STAU2: variants seen among roughly 807,000 people sequenced by gnomAD.
STAU2 encodes the protein staufen double-stranded RNA binding protein 2.
In STAU2, 20 loss-of-function variants were observed where a neutral mutation model predicts 65.9. That is an observed-to-expected ratio of 0.30 (90% CI 0.21 to 0.44). The LOEUF is 0.44. Among genes scored for constraint, STAU2 ranks in the 20% least tolerant of loss-of-function variants. The probability of loss-of-function intolerance (pLI) is 1.00; values close to 1 mark genes in which losing one functional copy is unlikely to be tolerated. For missense variants in STAU2, 558 were observed against 683.9 expected, an observed-to-expected ratio of 0.82 and a Z score of 2.05; for synonymous variants, 232 against 233.9, an observed-to-expected ratio of 0.99 and a Z score of 0.07.
At chr8:73,731,079 A>T (rs1806032938) in intron 3 of STAU2, among the ~76,000 whole-genome samples, 1 of 152,228 alleles carries the variant, frequency 6.6e-6, no homozygotes. Context: ...TAGGAACACG[A>T]CTATTTGAAG....
intron 13 of STAU2, among the ~76,000 whole-genome samples, chr8:73,485,267 C>T (rs1310939740): frequency 1.3e-5 from 2 of 149,660 alleles, no homozygotes; most frequent in African/African-American, 4.9e-5. Flanking sequence ...CAGCCTTGAA[C>T]TCCTGGGATC....
At chr8:73,424,016 C>T (rs1250375054) in intron 13 of STAU2, among the ~76,000 whole-genome samples, 1 of 151,986 alleles carries the variant, frequency 6.6e-6, no homozygotes, top group Non-Finnish European at 1.5e-5. Context: ...AAAATAGTTC[C>T]ACAGCCCTAC....
intron 13 of STAU2, among the ~76,000 whole-genome samples, chr8:73,484,060 T>C (rs1820786653): frequency 6.6e-6 from 1 of 152,174 alleles, no homozygotes; most frequent in Non-Finnish European, 1.5e-5. Context: ...TGTTCACTTT[T>C]AGTGTCAACA....
chr8:73,469,851 T>G (rs530933886), intron 13 of STAU2, among the ~76,000 whole-genome samples: 1 of 152,214 alleles, frequency 6.6e-6, no homozygotes. Flanking sequence ...GGGAAACCGC[T>G]GAGCAGATTT....
intron 13 of STAU2, among the ~76,000 whole-genome samples, chr8:73,459,483 G>A (rs577086397): frequency 1.3e-5 from 2 of 152,060 alleles, no homozygotes; most frequent in Non-Finnish European, 2.9e-5. Flanking sequence ...TTTTTAAAAG[G>A]GGAACTTTAA....
At chr8:73,657,352 AG>A (rs1302362315) in intron 6 of STAU2, among the ~76,000 whole-genome samples, 1 of 152,244 alleles carries the variant, frequency 6.6e-6, no homozygotes, top group Non-Finnish European at 1.5e-5. Context: ...AATTTTAAAA[AG>A]CAAAGGGCCC....
intron 13 of STAU2, among the ~76,000 whole-genome samples, chr8:73,534,101 T>C (rs187368253): frequency 6.6e-6 from 1 of 152,170 alleles, no homozygotes; most frequent in Admixed American, 6.5e-5. Flanking sequence ...TAAGAAAACA[T>C]GTATTTGATT....
At chr8:73,490,621 G>A (rs969588701) in intron 13 of STAU2, among the ~76,000 whole-genome samples, 3 of 151,940 alleles carry the variant, frequency 2.0e-5, no homozygotes, top group African/African-American at 7.2e-5. Flanking sequence ...CCAGCTCCAA[G>A]GAGTATAGCT....
chr8:73,471,260 C>T (rs1421199969), intron 13 of STAU2, among the ~76,000 whole-genome samples: 1 of 150,776 alleles, frequency 6.6e-6, no homozygotes, highest in African/African-American at 2.4e-5. Context: ...GCAGCCTTGA[C>T]CTCCCAGGCT....
chr8:73,451,098 C>T (rs1818775921), intron 13 of STAU2, among the ~76,000 whole-genome samples: 1 of 152,146 alleles, frequency 6.6e-6, no homozygotes. Context: ...AGGCATCATG[C>T]CACATTTCTC....
intron 13 of STAU2, among the ~76,000 whole-genome samples, chr8:73,482,942 G>C (rs1009593438): frequency 6.6e-6 from 1 of 152,052 alleles, no homozygotes; most frequent in African/African-American, 2.4e-5. Context: ...TATAAAGAAT[G>C]GTAAACAGAG....
At chr8:73,662,782 A>G (rs1816930981) in intron 6 of STAU2, among the ~76,000 whole-genome samples, 1 of 151,850 alleles carries the variant, frequency 6.6e-6, no homozygotes, top group African/African-American at 2.4e-5. Context: ...ATGCCAGGCT[A>G]ATTTTGTATT....
intron 6 of STAU2, among the ~76,000 whole-genome samples, chr8:73,628,812 T>C (rs541433885): frequency 3.3e-5 from 5 of 152,370 alleles, no homozygotes; most frequent in African/African-American, 9.6e-5. Flanking sequence ...TTCAAATGGA[T>C]GATTACGTTT....
chr8:73,445,167 A>G (rs937118261), intron 13 of STAU2, among the ~76,000 whole-genome samples: 3 of 152,230 alleles, frequency 2.0e-5, no homozygotes, highest in African/African-American at 7.2e-5. Context: ...AGACAAATCC[A>G]GAATCTTATT....
At chr8:73,635,713 T>C (rs535574959) in intron 6 of STAU2, among the ~76,000 whole-genome samples, 3 of 151,744 alleles carry the variant, frequency 2.0e-5, no homozygotes, top group African/African-American at 7.3e-5. Context: ...TAATCCCAGC[T>C]ACTCGGGAGG....
intron 13 of STAU2, among the ~76,000 whole-genome samples, chr8:73,471,553 T>C (rs1820016451): frequency 6.9e-6 from 1 of 145,048 alleles, no homozygotes; most frequent in Non-Finnish European, 1.5e-5. Context: ...GCATGGTGGC[T>C]CACGCCTGTA....
At chr8:73,628,023 A>G (rs1211624691) in intron 6 of STAU2, among the ~76,000 whole-genome samples, 2 of 152,086 alleles carry the variant, frequency 1.3e-5, no homozygotes, top group African/African-American at 4.8e-5. Context: ...AAATAGATAT[A>G]TATGTTCACA....
chr8:73,644,625 A>G (rs914313055), intron 6 of STAU2, among the ~76,000 whole-genome samples: 3 of 152,142 alleles, frequency 2.0e-5, no homozygotes, highest in Non-Finnish European at 4.4e-5. Context: ...CTGGAAACAG[A>G]AAAAAACTAT....
At chr8:73,672,934 G>T in intron 6 of STAU2, 173 bp downstream of exon 6, 1 of 538,098 alleles carries the variant, frequency 1.9e-6, no homozygotes. Flanking sequence ...TGAAAACTGG[G>T]TTTCTTTAAG....
Sources: gnomAD v4.1 joint callset for allele counts (sites outside exome capture counted in the v4.1 genomes callset) on GRCh38, gnomAD v4.1.1 for gene constraint, MANE v1.5 for transcripts, NCBI Gene and HGNC (gene_info 2026-07-23, HGNC 2026-07-21) for gene names.